OSBPL3: variants seen among roughly 807,000 people sequenced by gnomAD.
The protein encoded by OSBPL3 is oxysterol-binding protein-related protein 3.
Under a neutral mutation model 120.1 loss-of-function variants are expected in OSBPL3, and 65 were observed. The observed-to-expected ratio is 0.54, with a 90% CI of 0.44 to 0.67. The LOEUF (loss-of-function observed/expected upper bound fraction) is 0.67. OSBPL3 is among the 30% of genes least tolerant of loss of function. The pLI, the probability that OSBPL3 is intolerant of heterozygous loss-of-function variation, is 0.00. For missense variants in OSBPL3, 1,004 were observed against 1,082.1 expected (o/e 0.93, Z 1.01); for synonymous variants, 416 against 402.6 (o/e 1.03, Z -0.40).
At chr7:24,890,503 C>T (rs1289722801) in intron 2 of OSBPL3, among the ~76,000 whole-genome samples, 2 of 152,076 alleles carry the variant, frequency 1.3e-5, no homozygotes, top group South Asian at 2.1e-4. Context: ...AGGTGGACCC[C>T]GTGGATGGAA....
At chr7:24,811,629 A>G (rs1793810881) in intron 19 of OSBPL3, among the ~76,000 whole-genome samples, 1 of 152,194 alleles carries the variant, frequency 6.6e-6, no homozygotes, top group Non-Finnish European at 1.5e-5. Context: ...GAGTAGTTCT[A>G]CAGTTTCAGG....
Position 24,861,504 on chromosome 7 carries a change from T to A in OSBPL3, c.1027+109A>T, listed in dbSNP as rs1167832457. The A allele has an allele frequency of 6.0e-6, 4 of 665,126 alleles. No individual in the cohort carries two copies. In the South Asian group the frequency reaches 8.6e-5, roughly 14 times the overall value. The allele number at this position is 665,126 out of a possible 1,614,324, so 41.2% of individuals were successfully genotyped here. On this transcript the variant is annotated intron_variant, in intron 10 of 22. Coordinates refer to ENST00000313367, the MANE Select transcript of OSBPL3 (RefSeq NM_015550.4). ...AAGATTAGGTTTCCCTAAATCTTAA[T>A]AGAGCAGAAAATGAACCAACTAAGA...
chr7:24,830,674 G>T lies in OSBPL3; in HGVS notation c.1884+94C>A. 2 of 1,201,364 alleles carry T rather than the reference G, an allele frequency of 1.7e-6. No individual in the cohort carries two copies. The highest frequency in any genetic ancestry group is 2.3e-6 in the Non-Finnish European group (2 of 853,020). The allele number at this position is 1,201,364 out of a possible 1,614,324, so 74.4% of individuals were successfully genotyped here. A position where few individuals can be genotyped will look rare whatever the true frequency, so the allele number is the denominator to read the frequency against. ...CTGTAATTATCTCGGCTGCTTTGAA[G>T]CCAGTGAAAGGTGGAAGATAAATAT... On this transcript the variant is annotated intron_variant, in intron 16 of 22. Coordinates refer to ENST00000313367, the MANE Select transcript of OSBPL3 (RefSeq NM_015550.4). The surrounding 1 kb of genome is among the most constrained non-coding windows in gnomAD (Gnocchi z 4.4).
intron 1 of OSBPL3, among the ~76,000 whole-genome samples, chr7:24,970,747 G>A (rs1015253281): frequency 6.6e-6 from 1 of 152,124 alleles, no homozygotes; most frequent in Admixed American, 6.6e-5. Context: ...TTAATAAAAC[G>A]AAAATGTCTG....
intron 1 of OSBPL3, among the ~76,000 whole-genome samples, chr7:24,901,105 G>A (rs573434759): frequency 5.3e-5 from 8 of 151,992 alleles, no homozygotes; most frequent in Admixed American, 1.3e-4. Context: ...TGAGGCGGGC[G>A]GATCACGAGG....
intron 1 of OSBPL3, among the ~76,000 whole-genome samples, chr7:24,935,890 T>A (rs115621511): frequency 0.019 from 2,900 of 152,186 alleles, 90 homozygotes; most frequent in African/African-American, 0.067. Flanking sequence ...ATCTTTTTTT[T>A]TTATTATTAT....
chr7:24,913,841 C>G lies in OSBPL3; in HGVS notation c.-149-21220G>C, dbSNP rs1276950868. ...TAGGACGAGGACAAGGACCAAGGAC[C>G]GTATCCCATCAAAAACATACACCCA... On this transcript the variant is annotated intron_variant, in intron 1 of 22. Transcript: ENST00000313367. This position sits in a 1 kb window ranked among gnomAD's most constrained non-coding sequence, Gnocchi z 5.3. 1.3e-5 allele frequency among the ~76,000 whole-genome samples: 2 copies of G among 152,030 alleles called. No individual in the cohort carries two copies. Among genetic ancestry groups the G allele is most frequent in the Non-Finnish European group, 2.9e-5 (2 of 67,992 alleles).
rs1419155015 is a variant in OSBPL3, at chr7:24,835,165, C to A, written c.1496-429G>T. On this transcript the variant is annotated intron_variant, in intron 14 of 22. Coordinates refer to ENST00000313367, the MANE Select transcript of OSBPL3 (RefSeq NM_015550.4). The surrounding 1 kb of genome is among the most constrained non-coding windows in gnomAD (Gnocchi z 4.8). ...TGGTCTTTTCATTGCTCCACCACCC[C>A]AAAATAGCAGCCATTTATATATTAG... Among the ~76,000 whole-genome samples the A allele has an allele frequency of 6.6e-6, 1 of 152,142 alleles. No individual in the cohort carries two copies. Among genetic ancestry groups the A allele is most frequent in the African/African-American group, 2.4e-5 (1 of 41,430 alleles).
chr7:24,882,571 C>A (rs1584491567), intron 2 of OSBPL3, among the ~76,000 whole-genome samples: 1 of 152,076 alleles, frequency 6.6e-6, no homozygotes, highest in African/African-American at 2.4e-5. Context: ...AGTGCAGGTA[C>A]CTTTTAGATA....
In OSBPL3 at chr7:24,959,718, G is replaced by T. The variant is rs1043578638; in HGVS notation, c.-150+20168C>A. 6.6e-6 allele frequency among the ~76,000 whole-genome samples: 1 copy of T among 152,126 alleles called. No individual in the cohort carries two copies. The highest frequency in any genetic ancestry group is 6.6e-5 in the Admixed American group (1 of 15,262). The stretch of plus-strand genomic sequence containing the variant: ...ATGTTCCTAAAATAAATCAATAGGT[G>T]AAACTTCCAAAAGAAAATATATTCC... On this transcript the variant is annotated intron_variant, in intron 1 of 22. Transcript: ENST00000313367. The surrounding 1 kb of genome is among the most constrained non-coding windows in gnomAD (Gnocchi z 4.3).
intron 1 of OSBPL3, among the ~76,000 whole-genome samples, chr7:24,978,556 T>G (rs1817837253): frequency 6.6e-6 from 1 of 152,146 alleles, no homozygotes; most frequent in South Asian, 2.1e-4. Flanking sequence ...CTTGGATGCA[T>G]AAGAACCTAG....
At chr7:24,979,827 CG>C in intron 1 of OSBPL3, 58 bp downstream of exon 1, 1 of 950,378 alleles carries the variant, frequency 1.1e-6, no homozygotes, top group African/African-American at 1.8e-5. Flanking sequence ...TCCGAGCCCG[CG>C]CCGCCGCCAG....
chr7:24,932,170 G>A lies in OSBPL3; in HGVS notation c.-149-39549C>T, dbSNP rs1200874825. Among the ~76,000 whole-genome samples the A allele has an allele frequency of 6.6e-6, 1 of 152,176 alleles. No individual in the cohort carries two copies. ...CTTATTTAATTAATAAGAAATGAATGGGCACATTTGTCCCACTTTAAAGCT... is the reference window on the plus strand; with the variant it reads ...CTTATTTAATTAATAAGAAATGAATAGGCACATTTGTCCCACTTTAAAGCT... On this transcript the variant is annotated intron_variant, in intron 1 of 22. Transcript: ENST00000313367. The surrounding 1 kb of genome is among the most constrained non-coding windows in gnomAD (Gnocchi z 5.6).
chr7:24,874,693 TTG>T (rs1484131706), intron 2 of OSBPL3, among the ~76,000 whole-genome samples: 2 of 151,998 alleles, frequency 1.3e-5, no homozygotes, highest in African/African-American at 2.4e-5. Flanking sequence ...CTACAAAATA[TTG>T]TGTTTTCTTC....
At chr7:24,848,093 C>T (rs534133344) in intron 12 of OSBPL3, among the ~76,000 whole-genome samples, 12 of 152,302 alleles carry the variant, frequency 7.9e-5, no homozygotes, top group South Asian at 4.1e-4. Flanking sequence ...CAAATGGGTT[C>T]GGTGCCCGGA....
At chr7:24,970,118 T>C (rs1174422714) in intron 1 of OSBPL3, among the ~76,000 whole-genome samples, 2 of 145,304 alleles carry the variant, frequency 1.4e-5, no homozygotes, top group Non-Finnish European at 3.0e-5. Context: ...TTTTTTTTTT[T>C]TTTTTTTTTG....
chr7:24,951,143 G>A (rs931420439), intron 1 of OSBPL3, among the ~76,000 whole-genome samples: 1 of 152,168 alleles, frequency 6.6e-6, no homozygotes, highest in African/African-American at 2.4e-5. Context: ...CAAGAGGATG[G>A]AAAGTAGGAG....
intron 16 of OSBPL3, among the ~76,000 whole-genome samples, chr7:24,829,919 T>C (rs1584276979): frequency 1.3e-5 from 2 of 152,298 alleles, no homozygotes; most frequent in African/African-American, 4.8e-5. Context: ...ATAACATGTA[T>C]CTTCATGTCT....
At position 24,855,368 on chromosome 7, in the gene OSBPL3, T is replaced by A. The variant is rs1584391495; in HGVS notation, c.1028-2734A>T. On this transcript the variant is annotated intron_variant, in intron 10 of 22. Coordinates refer to ENST00000313367, the MANE Select transcript of OSBPL3 (RefSeq NM_015550.4). The surrounding 1 kb of genome is among the most constrained non-coding windows in gnomAD (Gnocchi z 4.3). ...CAGAAAAACAAGGCTTTCCACCAAA[T>A]GAGAAGAGTCCTACATAAATTTTAA... Among the ~76,000 whole-genome samples the A allele has an allele frequency of 6.6e-6, 1 of 152,182 alleles. No individual in the cohort carries two copies. Among genetic ancestry groups the A allele is most frequent in the East Asian group, 1.9e-4 (1 of 5,204 alleles).
Sources: gnomAD v4.1 joint callset for allele counts (sites outside exome capture counted in the v4.1 genomes callset) on GRCh38, gnomAD v4.1.1 for gene constraint, Gnocchi (gnomAD v3.1) non-coding constraint, MANE v1.5 for transcripts, NCBI Gene and HGNC (gene_info 2026-07-23, HGNC 2026-07-21) for gene names.